Variants in SLC26A11 observed in about 807,000 individuals in gnomAD.
SLC26A11 encodes sodium-independent sulfate anion transporter.
Under a neutral mutation model 62.2 loss-of-function variants are expected in SLC26A11, and 58 were observed. The observed-to-expected ratio is 0.93, with a 90% CI of 0.76 to 1.16. The LOEUF is 1.16. SLC26A11 is among the 50% of genes most tolerant of loss of function. SLC26A11 has a pLI of 0.00. For synonymous variants in SLC26A11, 411 were observed against 368.9 expected (o/e 1.11, Z -1.31); for missense variants, 790 against 794.3 (o/e 0.99, Z 0.06).
intron 5 of SLC26A11, among the ~76,000 whole-genome samples, chr17:80,225,165 C>G (rs138436744): frequency 6.6e-6 from 1 of 151,958 alleles, no homozygotes; most frequent in East Asian, 1.9e-4. Flanking sequence ...GCAAGCAAGA[C>G]CCCCACCCCC....
At chr17:80,244,561 G>T (rs1237926782) in intron 10 of SLC26A11, among the ~76,000 whole-genome samples, 1 of 152,238 alleles carries the variant, frequency 6.6e-6, no homozygotes, top group Non-Finnish European at 1.5e-5. Context: ...CTAGGATCTT[G>T]CCAGGCATGG....
At chr17:80,224,415 G>A (rs2042337830) in intron 5 of SLC26A11, among the ~76,000 whole-genome samples, 1 of 140,148 alleles carries the variant, frequency 7.1e-6, no homozygotes, top group East Asian at 2.1e-4. Context: ...GAGTGAGTGT[G>A]AGTGAGTGAG....
At chr17:80,250,449 A>G (rs1287030504) in intron 16 of SLC26A11, among the ~76,000 whole-genome samples, 1 of 152,200 alleles carries the variant, frequency 6.6e-6, no homozygotes, top group Non-Finnish European at 1.5e-5. Flanking sequence ...AGATTTGGGC[A>G]TGTGCCTTCA....
rs563126864 is a variant in SLC26A11 at position 80,223,115 on chromosome 17, G to A, written c.428-137G>A. The A allele has an allele frequency of 6.0e-6, 5 of 840,040 alleles. No individual in the cohort carries two copies. The highest frequency in any genetic ancestry group is 5.3e-5 in the East Asian group (2 of 37,666). 52.0% of individuals were successfully genotyped at this position (840,040 alleles called of 1,614,324 possible). ...CTCTCCAAAAACAGCCAAACAGGGT[G>A]TGTTACCCCCAGTCCTTAGCTGCGG... On this transcript the variant is annotated intron_variant, in intron 4 of 17. Transcript: ENST00000361193. The surrounding 1 kb of genome is among the most constrained non-coding windows in gnomAD (Gnocchi z 4.6).
rs549162883 is a variant in SLC26A11 at position 80,246,740 on chromosome 17, C to G, written c.1294+91C>G. The G allele has an allele frequency of 1.3e-6, 2 of 1,482,858 alleles. No homozygotes were observed. Among genetic ancestry groups the G allele is most frequent in the East Asian group, 4.9e-5 (2 of 40,502 alleles). 91.9% of individuals were successfully genotyped at this position (1,482,858 alleles called of 1,614,324 possible). On this transcript the variant is annotated intron_variant, in intron 13 of 17. Coordinates refer to ENST00000361193, the MANE Select transcript of SLC26A11 (RefSeq NM_001166347.2). The surrounding 1 kb of genome is among the most constrained non-coding windows in gnomAD (Gnocchi z 4.4). Reference sequence around the variant, plus strand: ...TGCTACCCCATTTTCCTGCAGCCCCCTCTGTGGGGCTGGGACTGGGAAGTT... The same window carrying G: ...TGCTACCCCATTTTCCTGCAGCCCCGTCTGTGGGGCTGGGACTGGGAAGTT...
intron 16 of SLC26A11, among the ~76,000 whole-genome samples, chr17:80,250,337 G>C (rs1218824926): frequency 6.6e-6 from 1 of 152,148 alleles, no homozygotes; most frequent in East Asian, 1.9e-4. Context: ...CCTGGCCCAC[G>C]AGGCTAGTGT....
At chr17:80,249,881 G>T (rs574131411) in intron 16 of SLC26A11, among the ~76,000 whole-genome samples, 2 of 152,260 alleles carry the variant, frequency 1.3e-5, no homozygotes, top group East Asian at 1.9e-4. Context: ...CTCCAGCCTG[G>T]GCGACAGAGT....
In SLC26A11 at chr17:80,228,079, G is replaced by A; in HGVS notation, c.736+119G>A. The A allele has an allele frequency of 1.2e-6, 1 of 820,970 alleles. No homozygotes were observed. Among genetic ancestry groups the A allele is most frequent in the Non-Finnish European group, 1.9e-6 (1 of 533,302 alleles). The allele number at this position is 820,970 out of a possible 1,614,324, so 50.9% of individuals were successfully genotyped here. A position where few individuals can be genotyped will look rare whatever the true frequency, so the allele number is the denominator to read the frequency against. ...TTGGTCTGGGTGTCACTTGAGCATT[G>A]GGACATTTAAAACACCACACCAAAC... On this transcript the variant is annotated intron_variant, in intron 7 of 17. Coordinates refer to ENST00000361193, the MANE Select transcript of SLC26A11 (RefSeq NM_001166347.2). The surrounding 1 kb of genome is among the most constrained non-coding windows in gnomAD (Gnocchi z 4.1).
intron 11 of SLC26A11, 103 bp downstream of exon 11, chr17:80,245,359 A>G (rs1469929531): frequency 8.7e-7 from 1 of 1,149,318 alleles, no homozygotes; most frequent in East Asian, 2.5e-5. Flanking sequence ...CCCGTCCTCC[A>G]CTGTGAACGC....
rs369853134 is a variant in SLC26A11, at chr17:80,248,602, C to T, written c.1450C>T (p.Gln484Ter). The change falls in exon 15 of 18, where the codon CAG (glutamine) becomes TAG (stop). Residue 484 changes from glutamine (Q) to a stop codon, truncating the protein, a stop_gained. Transcript: ENST00000361193. LOFTEE classifies it high-confidence loss of function. ...GTCAGAGGGGCCGGTTCTGGTCCTG[C>T]AGCCGGCCAGCGGCCTGTCCTTCCC... ...KVSEGPVLVL[Q>*]PASGLSFPAM... 1.3e-5 allele frequency: 21 copies of T among 1,588,176 alleles called. No individual in the cohort carries two copies. Among genetic ancestry groups the T allele is most frequent in the Admixed American group, 3.5e-5 (2 of 56,840 alleles).
chr17:80,251,169 A>G (rs561569948), intron 16 of SLC26A11, among the ~76,000 whole-genome samples, 160 bp from the exon 17 acceptor site: 2 of 152,080 alleles, frequency 1.3e-5, no homozygotes, highest in Non-Finnish European at 2.9e-5. Flanking sequence ...TCTTCCTCTG[A>G]CAGCATTCCC....
intron 7 of SLC26A11, among the ~76,000 whole-genome samples, chr17:80,235,038 C>A (rs151174523): frequency 6.6e-6 from 1 of 151,890 alleles, no homozygotes; most frequent in African/African-American, 2.4e-5. Flanking sequence ...TTAGTAAAGA[C>A]AGAGCTTCAC....
chr17:80,233,911 G>A lies in SLC26A11; in HGVS notation c.737-3017G>A, dbSNP rs557018279. Among the ~76,000 whole-genome samples the A allele has an allele frequency of 4.0e-5, 6 of 151,790 alleles. No homozygotes were observed. The South Asian group carries it at 1.0e-3, about 26-fold the overall frequency. ...ACTTTCGACTTTTGTATGTCTGAAA[G>A]TCTATTTTGCCTTCATTTTTCAAAG... On this transcript the variant is annotated intron_variant, in intron 7 of 17. Coordinates refer to ENST00000361193, the MANE Select transcript of SLC26A11 (RefSeq NM_001166347.2).
Position 80,251,387 on chromosome 17 carries a change from C to A in SLC26A11, c.1715C>A (p.Thr572Asn). 1.2e-6 allele frequency: 2 copies of A among 1,614,112 alleles called. No individual in the cohort carries two copies. The highest frequency in any genetic ancestry group is 1.7e-6 in the Non-Finnish European group (2 of 1,179,996). ...ADLKGFQYFSTLEEAEKHLRQ... is the reference protein window; with the variant it reads ...ADLKGFQYFSNLEEAEKHLRQ... ...CTGAAGGGGTTCCAGTACTTCTCTA[C>A]CCTGGAAGAAGCAGGTGGGCACAGT... Residue 572 changes from threonine (T) to asparagine (N), a missense_variant, in exon 17 of 18, where the codon ACC (threonine) becomes AAC (asparagine). Coordinates refer to ENST00000361193, the MANE Select transcript of SLC26A11 (RefSeq NM_001166347.2).
At chr17:80,232,411 A>G (rs115003913) in intron 7 of SLC26A11, among the ~76,000 whole-genome samples, 1,589 of 152,100 alleles carry the variant, frequency 0.01, 29 homozygotes, top group African/African-American at 0.035. Flanking sequence ...TGCACCACCA[A>G]GCCCAGCTAA....
intron 6 of SLC26A11, among the ~76,000 whole-genome samples, chr17:80,227,143 C>T (rs1215475637): frequency 1.3e-5 from 2 of 152,166 alleles, no homozygotes; most frequent in Non-Finnish European, 1.5e-5. Flanking sequence ...TTCCCTGGGC[C>T]ACACAGGAAG....
At chr17:80,242,715 T>TTG (rs1219610194) in intron 10 of SLC26A11, among the ~76,000 whole-genome samples, 68 of 152,178 alleles carry the variant, frequency 4.5e-4, no homozygotes, top group Admixed American at 4.4e-3. Flanking sequence ...GTGAATCTTT[T>TTG]TGTGTGTGTG....
chr17:80,238,762 G>A (rs1035211291), intron 9 of SLC26A11, among the ~76,000 whole-genome samples: 2 of 150,126 alleles, frequency 1.3e-5, no homozygotes, highest in Admixed American at 6.6e-5. Context: ...CCAGGGTAAA[G>A]TTCCTTCTCC....
rs369568037 is a variant in SLC26A11, at chr17:80,248,188, C to T, written c.1353C>T (p.Tyr451=). The change falls in exon 14 of 18, where the codon TAC becomes TAT. Residue 451 remains tyrosine, a synonymous_variant. Coordinates refer to ENST00000361193, the MANE Select transcript of SLC26A11 (RefSeq NM_001166347.2). ...TFLLCFWEVQ[Y]GILAGALVSL... ...TGCTGTGCTTCTGGGAGGTGCAGTACGGCATCCTGGCCGGGGCCCTGGTGT... is the reference window on the plus strand; with the variant it reads ...TGCTGTGCTTCTGGGAGGTGCAGTATGGCATCCTGGCCGGGGCCCTGGTGT... 4.2e-5 allele frequency: 67 copies of T among 1,608,706 alleles called. No homozygotes were observed. Among genetic ancestry groups the T allele is most frequent in the Non-Finnish European group, 4.7e-5 (55 of 1,179,794 alleles).
Sources: allele counts gnomAD v4.1 joint callset (sites outside exome capture counted in the v4.1 genomes callset), GRCh38; gene constraint gnomAD v4.1.1; non-coding constraint Gnocchi (gnomAD v3.1); transcripts MANE v1.5; gene names NCBI Gene and HGNC (gene_info 2026-07-23, HGNC 2026-07-21).